The following NECAB1 variants were observed in gnomAD, a reference collection of about 807,000 sequenced individuals.
NECAB1 encodes N-terminal EF-hand calcium binding protein 1.
In NECAB1, 29 loss-of-function variants were observed where a neutral mutation model predicts 57.5. The observed-to-expected ratio is 0.50, with a 90% CI of 0.38 to 0.69. The LOEUF (loss-of-function observed/expected upper bound fraction) is 0.69, where lower values mean the gene tolerates loss of function less well. NECAB1 is among the 30% of genes least tolerant of loss of function. The pLI, the probability that NECAB1 is intolerant of heterozygous loss-of-function variation, is 0.00. For synonymous variants in NECAB1, 142 were observed against 147.7 expected (o/e 0.96, Z 0.28); for missense variants, 372 against 413.8 (o/e 0.90, Z 0.88).
intron 3 of NECAB1, among the ~76,000 whole-genome samples, chr8:90,853,124 G>A (rs938143162): frequency 2.6e-5 from 4 of 152,244 alleles, no homozygotes; most frequent in African/African-American, 4.8e-5. Context: ...CTGCTGGTGC[G>A]CAAAGCACTT....
chr8:90,953,141 A>G (rs749813118), intron 12 of NECAB1, among the ~76,000 whole-genome samples: 1 of 152,192 alleles, frequency 6.6e-6, no homozygotes. Context: ...GCTTGTTCTT[A>G]TTAGTGTCTT....
intron 3 of NECAB1, among the ~76,000 whole-genome samples, chr8:90,837,392 G>C (rs1406701982): frequency 6.6e-6 from 1 of 152,234 alleles, no homozygotes; most frequent in African/African-American, 2.4e-5. Flanking sequence ...ATTGTATACA[G>C]TGTGGTTACC....
chr8:90,893,522 GACA>G (rs1456708121), intron 5 of NECAB1, among the ~76,000 whole-genome samples: 4 of 152,124 alleles, frequency 2.6e-5, no homozygotes, highest in Admixed American at 2.0e-4. Context: ...TGGACAGATG[GACA>G]GCCCAGATGG....
chr8:90,856,090 A>G (rs1028083177), intron 3 of NECAB1, among the ~76,000 whole-genome samples: 3 of 152,140 alleles, frequency 2.0e-5, no homozygotes, highest in African/African-American at 7.2e-5. Context: ...CCACCCCTAG[A>G]CTGCAGAGCT....
intron 5 of NECAB1, among the ~76,000 whole-genome samples, chr8:90,892,205 T>G (rs1055668912): frequency 6.6e-6 from 1 of 152,194 alleles, no homozygotes; most frequent in Non-Finnish European, 1.5e-5. Context: ...TTTTCTATAT[T>G]ACTTTGAATA....
At chr8:90,825,533 C>T (rs1426627771) in intron 3 of NECAB1, among the ~76,000 whole-genome samples, 1 of 151,674 alleles carries the variant, frequency 6.6e-6, no homozygotes, top group Admixed American at 6.6e-5. Flanking sequence ...TATGAAAAAC[C>T]ACCATTTCAA....
At chr8:90,882,829 A>G (rs1027728659) in intron 5 of NECAB1, among the ~76,000 whole-genome samples, 3 of 152,066 alleles carry the variant, frequency 2.0e-5, no homozygotes, top group South Asian at 2.1e-4. Context: ...TTTTTGGCTT[A>G]CCGTGTTTAC....
chr8:90,860,759 A>G (rs942430549), intron 3 of NECAB1, among the ~76,000 whole-genome samples: 1 of 152,210 alleles, frequency 6.6e-6, no homozygotes, highest in Admixed American at 6.6e-5. Context: ...AGATAATTGC[A>G]AAGAAGATAG....
At chr8:90,831,770 A>ATC (rs1229107837) in intron 3 of NECAB1, among the ~76,000 whole-genome samples, 1 of 152,088 alleles carries the variant, frequency 6.6e-6, no homozygotes, top group East Asian at 1.9e-4. Context: ...TCCAAAACTT[A>ATC]GATTTTGTAA....
At chr8:90,802,494 A>G (rs1260571140) in intron 2 of NECAB1, among the ~76,000 whole-genome samples, 1 of 152,164 alleles carries the variant, frequency 6.6e-6, no homozygotes, top group Non-Finnish European at 1.5e-5. Flanking sequence ...TATAAGTACC[A>G]TGGTAGAGGT....
At chr8:90,837,087 C>A (rs530917433) in intron 3 of NECAB1, among the ~76,000 whole-genome samples, 113 of 152,284 alleles carry the variant, frequency 7.4e-4, no homozygotes, top group African/African-American at 2.6e-3. Flanking sequence ...ATTAAACTGT[C>A]AAAAATTATT....
intron 3 of NECAB1, among the ~76,000 whole-genome samples, chr8:90,834,642 C>T (rs1812341741): frequency 6.6e-6 from 1 of 151,832 alleles, no homozygotes; most frequent in African/African-American, 2.4e-5. Context: ...TTAGAGAAGC[C>T]CAAAAGGACT....
intron 2 of NECAB1, among the ~76,000 whole-genome samples, chr8:90,805,572 G>A (rs904885286): frequency 6.6e-6 from 1 of 151,556 alleles, no homozygotes. Flanking sequence ...GAGTAGGATT[G>A]CTTAGGAGAG....
In NECAB1 at chr8:90,907,151, TGAGA is replaced by T. The variant is rs71266152; in HGVS notation, c.358-10306_358-10303del. On this transcript the variant is annotated intron_variant, in intron 5 of 12. Transcript: ENST00000417640. ...GTGTGTGTGTGTGTGTGTGTGTGTG[TGAGA>T]GAGAGAGAGAGAGAGAGAGAGAGAG... 6.4e-3 allele frequency among the ~76,000 whole-genome samples: 652 copies of T among 102,056 alleles called. 5 individuals carry two copies. The highest frequency in any genetic ancestry group is 0.022 in the Middle Eastern group (4 of 186). The allele number at this position is 102,056 out of a possible 152,430, so 67.0% of individuals were successfully genotyped here. A position where few individuals can be genotyped will look rare whatever the true frequency, so the allele number is the denominator to read the frequency against.
At chr8:90,907,092 G>C (rs1345234545) in intron 5 of NECAB1, among the ~76,000 whole-genome samples, 4 of 149,090 alleles carry the variant, frequency 2.7e-5, no homozygotes, top group African/African-American at 1.0e-4. Flanking sequence ...GAAAATTTGA[G>C]GGTCTTTACT....
At position 90,908,632 on chromosome 8, in the gene NECAB1, C is replaced by T. The variant is rs1462232803; in HGVS notation, c.358-8860C>T. On this transcript the variant is annotated intron_variant, in intron 5 of 12. Transcript: ENST00000417640. ...GACTGGTTCCTACACATACCTTAAC[C>T]TTTTTATTGTAAAACAAAACAAAAA... 6.6e-5 allele frequency among the ~76,000 whole-genome samples: 10 copies of T among 152,182 alleles called. No homozygotes were observed. The South Asian group carries it at 1.9e-3, about 28-fold the overall frequency.
intron 7 of NECAB1, among the ~76,000 whole-genome samples, chr8:90,927,506 A>G (rs538783796): frequency 2.0e-5 from 3 of 152,106 alleles, no homozygotes; most frequent in African/African-American, 7.2e-5. Flanking sequence ...ATATGCCAGG[A>G]TATTTGTGCA....
At chr8:90,896,952 C>G (rs1322556752) in intron 5 of NECAB1, among the ~76,000 whole-genome samples, 1 of 152,156 alleles carries the variant, frequency 6.6e-6, no homozygotes, top group Non-Finnish European at 1.5e-5. Flanking sequence ...AATAGGGGAA[C>G]GACACAGCAG....
At position 90,822,510 on chromosome 8, in the gene NECAB1, T is replaced by C. The variant is rs180781799; in HGVS notation, c.125-2207T>C. 5.3e-5 allele frequency among the ~76,000 whole-genome samples: 8 copies of C among 152,060 alleles called. No individual in the cohort carries two copies. The East Asian group carries it at 1.4e-3, about 26-fold the overall frequency. On this transcript the variant is annotated intron_variant, in intron 2 of 12. Coordinates refer to ENST00000417640, the MANE Select transcript of NECAB1 (RefSeq NM_022351.5). ...AAGACTATAAGCTAATGCTTCCTTT[T>C]TCTTTTTATATATTTTTTTCTAATA...
Sources: allele counts gnomAD v4.1 joint callset (sites outside exome capture counted in the v4.1 genomes callset), GRCh38; gene constraint gnomAD v4.1.1; transcripts MANE v1.5; gene names NCBI Gene and HGNC (gene_info 2026-07-23, HGNC 2026-07-21).